LYPD6B: variants seen among roughly 807,000 people sequenced by gnomAD.
LYPD6B encodes the protein LY6/PLAUR domain containing 6B.
LYPD6B carries 17 observed loss-of-function variants against 22.8 expected under a neutral mutation model. The observed-to-expected ratio is 0.75, with a 90% CI of 0.51 to 1.12. The LOEUF (loss-of-function observed/expected upper bound fraction) is 1.12. LYPD6B is among the 50% of genes most tolerant of loss of function. The pLI, the probability that LYPD6B is intolerant of heterozygous loss-of-function variation, is 0.00. For synonymous variants in LYPD6B, 106 were observed against 91.6 expected, an observed-to-expected ratio of 1.16 and a Z score of -0.90; for missense variants, 221 against 258.3, an observed-to-expected ratio of 0.86 and a Z score of 0.99.
At chr2:149,081,718 T>G (rs1685146021) in intron 1 of LYPD6B, among the ~76,000 whole-genome samples, 1 of 152,208 alleles carries the variant, frequency 6.6e-6, no homozygotes. Flanking sequence ...TCCTCACTAT[T>G]CTGAAGTCTA....
chr2:149,213,606 TAAG>T (rs1453789667), intron 6 of LYPD6B, among the ~76,000 whole-genome samples: 1 of 152,240 alleles, frequency 6.6e-6, no homozygotes, highest in Non-Finnish European at 1.5e-5. Flanking sequence ...CTGAAATGCT[TAAG>T]AAAGAATTAC....
rs142548685 is a variant in LYPD6B at position 149,191,006 on chromosome 2, A to G, written c.78-14247A>G. On this transcript the variant is annotated intron_variant, in intron 3 of 6. Coordinates refer to ENST00000409642, the MANE Select transcript of LYPD6B (RefSeq NM_177964.5). ...AAAGTCACTCATATTTTCTTCTGGC[A>G]CTAAAAAAAATACATTTTATCATGA... Among the ~76,000 whole-genome samples the G allele has an allele frequency of 5.2e-3, 799 of 152,258 alleles. 6 individuals are homozygous for G. The highest frequency in any genetic ancestry group is 0.015 in the African/African-American group (635 of 41,568).
Position 149,162,490 on chromosome 2 carries a change from T to C in LYPD6B, c.77+1655T>C, listed in dbSNP as rs142983636. Among the ~76,000 whole-genome samples, 945 of 152,262 alleles carry C rather than the reference T, an allele frequency of 6.2e-3. 11 individuals carry two copies. The highest frequency in any genetic ancestry group is 0.022 in the African/African-American group (919 of 41,554). The stretch of plus-strand genomic sequence containing the variant: ...TGGAGTATTTACGGCTGTGCTTTAC[T>C]CGATGTCCACACTCACCCCTGCTTG... On this transcript the variant is annotated intron_variant, in intron 3 of 6. Transcript: ENST00000409642.
intron 1 of LYPD6B, among the ~76,000 whole-genome samples, chr2:149,040,566 C>T (rs1269290885): frequency 6.6e-6 from 1 of 152,096 alleles, no homozygotes; most frequent in Non-Finnish European, 1.5e-5. Context: ...CAAAACAGAA[C>T]CAAGCCATCT....
At chr2:149,109,645 A>G (rs148970657) in intron 1 of LYPD6B, among the ~76,000 whole-genome samples, 48 of 152,172 alleles carry the variant, frequency 3.2e-4, no homozygotes, top group African/African-American at 1.1e-3. Context: ...TTCCAATTAC[A>G]TGTAGTATTT....
rs570867603 is a variant in LYPD6B at position 149,137,108 on chromosome 2, T to G, written c.5+6155T>G. Among the ~76,000 whole-genome samples, 7 of 152,366 alleles carry G rather than the reference T, an allele frequency of 4.6e-5. No homozygotes were observed. In the East Asian group the frequency reaches 1.3e-3, roughly 29 times the overall value. On this transcript the variant is annotated intron_variant, in intron 2 of 6. Coordinates refer to ENST00000409642, the MANE Select transcript of LYPD6B (RefSeq NM_177964.5). Reference sequence around the variant, plus strand: ...AGGCAGCAGACATTTATTGAGCATCTGCTATTTTCTAGGCATTGTGTAAAG... The same window carrying G: ...AGGCAGCAGACATTTATTGAGCATCGGCTATTTTCTAGGCATTGTGTAAAG...
At chr2:149,168,831 G>GT (rs1309083645) in intron 3 of LYPD6B, among the ~76,000 whole-genome samples, 1 of 152,162 alleles carries the variant, frequency 6.6e-6, no homozygotes, top group Non-Finnish European at 1.5e-5. Flanking sequence ...TTGATCAAGT[G>GT]TGTGGTCAAG....
At chr2:149,132,460 C>T (rs1177824575) in intron 2 of LYPD6B, among the ~76,000 whole-genome samples, 3 of 151,956 alleles carry the variant, frequency 2.0e-5, no homozygotes, top group African/African-American at 4.8e-5. Flanking sequence ...AGATGCAGCT[C>T]GATTTCTCAA....
At chr2:149,129,970 A>G (rs1212887545) in intron 1 of LYPD6B, among the ~76,000 whole-genome samples, 2 of 152,232 alleles carry the variant, frequency 1.3e-5, no homozygotes, top group Non-Finnish European at 2.9e-5. Context: ...ACTTCATCCC[A>G]GGTCCTCACC....
At chr2:149,094,095 T>C (rs1408248860) in intron 1 of LYPD6B, among the ~76,000 whole-genome samples, 1 of 152,226 alleles carries the variant, frequency 6.6e-6, no homozygotes, top group Non-Finnish European at 1.5e-5. Flanking sequence ...GAGAAGAGTT[T>C]CTCCAGCAAA....
intron 5 of LYPD6B, among the ~76,000 whole-genome samples, chr2:149,210,041 C>T (rs1057489229): frequency 6.6e-6 from 1 of 152,142 alleles, no homozygotes; most frequent in African/African-American, 2.4e-5. Flanking sequence ...AGCTGGGCAG[C>T]AAGGGTTAGA....
At chr2:149,049,407 A>G (rs1290515721) in intron 1 of LYPD6B, among the ~76,000 whole-genome samples, 8 of 152,238 alleles carry the variant, frequency 5.3e-5, no homozygotes, top group Admixed American at 5.2e-4. Context: ...ATGAAACAGT[A>G]GTTACTCTTA....
At chr2:149,179,951 T>A (rs1259964500) in intron 3 of LYPD6B, among the ~76,000 whole-genome samples, 2 of 152,338 alleles carry the variant, frequency 1.3e-5, no homozygotes, top group African/African-American at 4.8e-5. Flanking sequence ...CTATAAAATT[T>A]TATCACTTTT....
chr2:149,145,319 G>A (rs533734618), intron 2 of LYPD6B, among the ~76,000 whole-genome samples: 5 of 152,246 alleles, frequency 3.3e-5, no homozygotes, highest in South Asian at 4.2e-4. Flanking sequence ...ATGCAGTTGC[G>A]CTCTTGAGGG....
At chr2:149,132,405 C>G (rs1688086132) in intron 2 of LYPD6B, among the ~76,000 whole-genome samples, 1 of 151,686 alleles carries the variant, frequency 6.6e-6, no homozygotes, top group Admixed American at 6.6e-5. Flanking sequence ...AGGTTAATGA[C>G]AAGTGGAACA....
chr2:149,182,258 C>G (rs1691785806), intron 3 of LYPD6B, among the ~76,000 whole-genome samples: 1 of 152,172 alleles, frequency 6.6e-6, no homozygotes, highest in Non-Finnish European at 1.5e-5. Context: ...CTGCCCTGTG[C>G]TTACTCCAGT....
At chr2:149,130,073 A>G (rs1335088649) in intron 1 of LYPD6B, among the ~76,000 whole-genome samples, 1 of 152,080 alleles carries the variant, frequency 6.6e-6, no homozygotes, top group Non-Finnish European at 1.5e-5. Flanking sequence ...GGCCAACTTG[A>G]CCAGAACGCT....
intron 3 of LYPD6B, among the ~76,000 whole-genome samples, chr2:149,196,168 C>T (rs1417250403): frequency 1.3e-5 from 2 of 152,078 alleles, no homozygotes; most frequent in Non-Finnish European, 2.9e-5. Flanking sequence ...CCTTCTGCTC[C>T]AAGTGGTAAT....
At chr2:149,158,029 T>C (rs995219947) in intron 2 of LYPD6B, among the ~76,000 whole-genome samples, 2 of 152,176 alleles carry the variant, frequency 1.3e-5, no homozygotes, top group Non-Finnish European at 2.9e-5. Context: ...GCTTTAAATA[T>C]GAAGAACATT....
Sources: gnomAD v4.1 joint callset for allele counts (sites outside exome capture counted in the v4.1 genomes callset) on GRCh38, gnomAD v4.1.1 for gene constraint, MANE v1.5 for transcripts, NCBI Gene and HGNC (gene_info 2026-07-23, HGNC 2026-07-21) for gene names.